Variants in AVEN observed in about 807,000 individuals in gnomAD.
AVEN encodes cell death regulator Aven.
Under a neutral mutation model 38.1 loss-of-function variants are expected in AVEN, and 41 were observed. That is an observed-to-expected ratio of 1.08 (90% CI 0.84 to 1.40). The LOEUF is 1.40. Among genes scored for constraint, AVEN ranks in the 40% most tolerant of loss-of-function variants. AVEN has a pLI of 0.00. For synonymous variants in AVEN, 206 were observed against 171.8 expected, an observed-to-expected ratio of 1.20 and a Z score of -1.56; for missense variants, 605 against 438.8, an observed-to-expected ratio of 1.38 and a Z score of -3.38.
chr15:34,016,242 A>G (rs1897905985), intron 1 of AVEN, among the ~76,000 whole-genome samples: 1 of 152,230 alleles, frequency 6.6e-6, no homozygotes, highest in Non-Finnish European at 1.5e-5. Flanking sequence ...CTCAAAAAAC[A>G]AAAACAAAAA....
chr15:33,953,584 A>G (rs1894833066), intron 2 of AVEN, among the ~76,000 whole-genome samples: 1 of 152,230 alleles, frequency 6.6e-6, no homozygotes, highest in African/African-American at 2.4e-5. Flanking sequence ...CTGGCTAGCC[A>G]TATGTAGAAA....
intron 2 of AVEN, among the ~76,000 whole-genome samples, chr15:33,952,637 T>C (rs915695258): frequency 5.9e-5 from 9 of 152,172 alleles, no homozygotes; most frequent in Admixed American, 3.3e-4. Flanking sequence ...TAAATATGCA[T>C]TTTTTGTAAT....
At chr15:33,920,445 G>C (rs530638412) in intron 2 of AVEN, among the ~76,000 whole-genome samples, 1 of 152,218 alleles carries the variant, frequency 6.6e-6, no homozygotes, top group African/African-American at 2.4e-5. Context: ...TCTTTTTGAG[G>C]CTGGCTTATT....
rs762925899 is a variant in AVEN, at chr15:33,866,707, G to A, written c.995C>T (p.Thr332Ile). Reference protein sequence around the residue: ...EEEVCAKPSVTEEKNMEPEQP... With the variant: ...EEEVCAKPSVIEEKNMEPEQP... ...CTCAGGTTCCATGTTTTTTTCTTCA[G>A]TCACAGATGGTTTTGCACAAACTGG... The change falls in exon 6 of 6, where the codon ACT becomes ATT. Residue 332 changes from threonine (T) to isoleucine (I), a missense_variant. Thr to Ile is a moderately conservative substitution (Grantham distance 89). Transcript: ENST00000306730. The A allele has an allele frequency of 6.8e-6, 11 of 1,613,594 alleles. No homozygotes were observed. The highest frequency in any genetic ancestry group is 9.3e-6 in the Non-Finnish European group (11 of 1,179,772).
At chr15:34,037,086 G>A (rs1367474464) in intron 1 of AVEN, among the ~76,000 whole-genome samples, 1 of 150,090 alleles carries the variant, frequency 6.7e-6, no homozygotes, top group Non-Finnish European at 1.5e-5. Flanking sequence ...TCCAGCCTGG[G>A]CAACAAGAGT....
intron 2 of AVEN, among the ~76,000 whole-genome samples, chr15:33,877,255 C>G (rs1007605849): frequency 6.6e-6 from 1 of 152,010 alleles, no homozygotes; most frequent in Non-Finnish European, 1.5e-5. Flanking sequence ...TAACTGAAAG[C>G]CAGGATTATA....
intron 2 of AVEN, 65 bp downstream of exon 2, chr15:34,002,967 C>A: frequency 2.9e-6 from 4 of 1,356,292 alleles, no homozygotes; most frequent in South Asian, 1.5e-5. Flanking sequence ...AATTTAAAAA[C>A]ATATATAAAA....
intron 2 of AVEN, among the ~76,000 whole-genome samples, chr15:33,933,227 T>C (rs556853517): frequency 5.3e-5 from 8 of 152,216 alleles, no homozygotes; most frequent in Admixed American, 2.0e-4. Flanking sequence ...TGTCGTTAGA[T>C]AAGAGTGGAA....
At chr15:33,853,627 C>G in the AVEN span, 2 of 1,613,944 alleles carry the variant, frequency 1.2e-6, no homozygotes, top group African/African-American at 2.7e-5. Flanking sequence ...CAAAAATGCT[C>G]TTGACTTTAG....
chr15:33,858,059 C>A, downstream of AVEN: 1 of 1,064,816 alleles, frequency 9.4e-7, no homozygotes, highest in Non-Finnish European at 1.3e-6. Flanking sequence ...AAGTAGAAGA[C>A]AGATGTCTTC....
In AVEN at chr15:34,063,893, G is replaced by A. The variant is rs138824708; in HGVS notation, n.1127-461C>T. 11 of 1,614,066 alleles carry A rather than the reference G, an allele frequency of 6.8e-6. No individual in the cohort carries two copies. Among genetic ancestry groups the A allele is most frequent in the Middle Eastern group, 1.6e-4 (1 of 6,084 alleles). On this transcript the variant is annotated intron_variant and non_coding_transcript_variant, in intron 4 of 11. Coordinates refer to the AVEN transcript ENST00000675287. This position sits in a 1 kb window ranked among gnomAD's most constrained non-coding sequence, Gnocchi z 4.1. ...TGGTAAAAGCTGACGGGAACCAGGAGACCAACAATGGCTGTCACAAGGTGA... is the reference window on the plus strand; with the variant it reads ...TGGTAAAAGCTGACGGGAACCAGGAAACCAACAATGGCTGTCACAAGGTGA...
intron 2 of AVEN, among the ~76,000 whole-genome samples, chr15:33,877,618 C>G (rs1259239536): frequency 1.3e-5 from 2 of 152,176 alleles, no homozygotes; most frequent in Non-Finnish European, 2.9e-5. Context: ...AGTTCAAGAC[C>G]AGCCTGACCA....
At chr15:34,072,274 A>AAAT (rs1555521931) in intron 1 of AVEN, among the ~76,000 whole-genome samples, 1 of 151,656 alleles carries the variant, frequency 6.6e-6, no homozygotes, top group African/African-American at 2.4e-5. Flanking sequence ...GTCTTTAAAA[A>AAAT]AATAATAATA....
At chr15:33,961,379 T>C (rs1281897826) in intron 2 of AVEN, among the ~76,000 whole-genome samples, 5 of 152,212 alleles carry the variant, frequency 3.3e-5, no homozygotes, top group South Asian at 2.1e-4. Context: ...GTAAATGGTA[T>C]GTCTCATAGG....
intron 2 of AVEN, among the ~76,000 whole-genome samples, chr15:33,947,845 T>C (rs1452841383): frequency 6.6e-6 from 1 of 152,178 alleles, no homozygotes; most frequent in Non-Finnish European, 1.5e-5. Context: ...TTGAAAGTCA[T>C]TTGAAACAAA....
intron 2 of AVEN, among the ~76,000 whole-genome samples, chr15:33,879,881 A>G (rs1891412272): frequency 6.6e-6 from 1 of 152,214 alleles, no homozygotes; most frequent in African/African-American, 2.4e-5. Context: ...AGTAATGTCT[A>G]TAAAGAGAAC....
chr15:33,904,211 G>A (rs888318701), intron 2 of AVEN, among the ~76,000 whole-genome samples: 1 of 152,170 alleles, frequency 6.6e-6, no homozygotes, highest in East Asian at 1.9e-4. Context: ...CTGGAAGCCA[G>A]GAATTTGAGA....
chr15:33,945,752 A>AT (rs1392749371), intron 2 of AVEN, among the ~76,000 whole-genome samples: 1 of 151,750 alleles, frequency 6.6e-6, no homozygotes, highest in African/African-American at 2.4e-5. Flanking sequence ...CGCCTGGCTA[A>AT]TTTTTTTGTA....
intron 2 of AVEN, among the ~76,000 whole-genome samples, chr15:33,914,695 CAGG>C (rs928404687): frequency 1.3e-5 from 2 of 150,934 alleles, no homozygotes; most frequent in African/African-American, 4.9e-5. Context: ...AAACATGGAG[CAGG>C]AGAAGGCAAG....
Sources: allele counts gnomAD v4.1 joint callset (sites outside exome capture counted in the v4.1 genomes callset), GRCh38; gene constraint gnomAD v4.1.1; non-coding constraint Gnocchi (gnomAD v3.1); transcripts MANE v1.5; gene names NCBI Gene and HGNC (gene_info 2026-07-23, HGNC 2026-07-21).